Variants in KSR2 observed in about 807,000 individuals in gnomAD.
The protein encoded by KSR2 is kinase suppressor of ras 2.
Under a neutral mutation model 107.8 loss-of-function variants are expected in KSR2, and 25 were observed. The ratio of observed to expected loss-of-function variants is 0.23; its 90% confidence interval spans 0.17 to 0.32. The LOEUF (loss-of-function observed/expected upper bound fraction) is 0.32. KSR2 is among the 10% of genes least tolerant of loss of function. KSR2 has a pLI of 1.00. For missense variants in KSR2, 887 were observed against 1,268.9 expected (o/e 0.70, Z 4.57); for synonymous variants, 480 against 507.0 (o/e 0.95, Z 0.71).
intron 16 of KSR2, among the ~76,000 whole-genome samples, chr12:117,478,322 C>T (rs542119652): frequency 5.4e-4 from 82 of 152,156 alleles, no homozygotes; most frequent in African/African-American, 1.8e-3. Flanking sequence ...TTCCATTATG[C>T]CAGAAATATC....
intron 9 of KSR2, among the ~76,000 whole-genome samples, chr12:117,549,799 T>C (rs1280655379): frequency 6.6e-6 from 1 of 152,094 alleles, no homozygotes; most frequent in Non-Finnish European, 1.5e-5. Flanking sequence ...ATGAATGAAC[T>C]AAGCAATTGA....
chr12:117,501,469 C>A (rs1274515376), intron 14 of KSR2, among the ~76,000 whole-genome samples: 3 of 152,350 alleles, frequency 2.0e-5, no homozygotes, highest in Admixed American at 2.0e-4. Flanking sequence ...ATTTTCCATT[C>A]ATTCACTTGC....
intron 4 of KSR2, among the ~76,000 whole-genome samples, chr12:117,725,456 T>C (rs1343862788): frequency 6.6e-6 from 1 of 152,222 alleles, no homozygotes; most frequent in Non-Finnish European, 1.5e-5. Context: ...TTTCAACAAA[T>C]GGTGCTGGAA....
chr12:117,903,295 C>T (rs1467180382), intron 1 of KSR2, among the ~76,000 whole-genome samples: 1 of 152,112 alleles, frequency 6.6e-6, no homozygotes, highest in African/African-American at 2.4e-5. Context: ...GTGGGTTACA[C>T]AGCAAAGGAA....
At chr12:117,621,077 C>G (rs553408513) in intron 5 of KSR2, among the ~76,000 whole-genome samples, 3 of 152,116 alleles carry the variant, frequency 2.0e-5, no homozygotes, top group Non-Finnish European at 4.4e-5. Context: ...GTAATCCCCA[C>G]GTGTCAAGAG....
At chr12:117,731,905 C>T (rs141551662) in intron 4 of KSR2, among the ~76,000 whole-genome samples, 16,469 of 138,582 alleles carry the variant, frequency 0.12, 1,555 homozygotes, top group African/African-American at 0.18. Context: ...TGCGGAAGGC[C>T]GCAGGGTCCT....
At chr12:117,944,313 TTG>T (rs1482016183) in intron 1 of KSR2, among the ~76,000 whole-genome samples, 13 of 151,956 alleles carry the variant, frequency 8.6e-5, no homozygotes, top group Non-Finnish European at 1.0e-4. Flanking sequence ...GAGACGGAGG[TTG>T]CGGTGAGCCG....
At chr12:117,492,904 A>G (rs1320955935) in intron 14 of KSR2, among the ~76,000 whole-genome samples, 1 of 152,146 alleles carries the variant, frequency 6.6e-6, no homozygotes, top group African/African-American at 2.4e-5. Context: ...AAAAAGCTGG[A>G]AAAAGGCAAG....
chr12:117,660,419 G>T (rs1884384008), intron 5 of KSR2, among the ~76,000 whole-genome samples: 1 of 152,116 alleles, frequency 6.6e-6, no homozygotes, highest in Non-Finnish European at 1.5e-5. Context: ...GGCAATCCTT[G>T]GTGTTCCTTG....
intron 3 of KSR2, among the ~76,000 whole-genome samples, chr12:117,809,388 C>T (rs766165314): frequency 2.6e-5 from 4 of 151,996 alleles, no homozygotes; most frequent in Non-Finnish European, 4.4e-5. Flanking sequence ...ACTAGAAAGG[C>T]GAAGTAGCAC....
chr12:117,546,759 C>T (rs1876898330), intron 9 of KSR2, among the ~76,000 whole-genome samples: 1 of 152,172 alleles, frequency 6.6e-6, no homozygotes, highest in Non-Finnish European at 1.5e-5. Flanking sequence ...TTGAGTCCAT[C>T]CACTGAATTT....
At chr12:117,782,893 A>G (rs1889935053) in intron 3 of KSR2, among the ~76,000 whole-genome samples, 1 of 152,206 alleles carries the variant, frequency 6.6e-6, no homozygotes, top group Non-Finnish European at 1.5e-5. Context: ...CGCCCCACAT[A>G]GCAACATCCT....
At chr12:117,663,129 C>T (rs1419595948) in intron 5 of KSR2, among the ~76,000 whole-genome samples, 2 of 152,176 alleles carry the variant, frequency 1.3e-5, no homozygotes, top group Admixed American at 6.5e-5. Context: ...ACACTCCCTC[C>T]GTGATGCAAG....
At position 117,942,663 on chromosome 12, in the gene KSR2, T is replaced by G. The variant is rs145636968; in HGVS notation, c.180+25413A>C. On this transcript the variant is annotated intron_variant, in intron 1 of 19. Coordinates refer to ENST00000339824, the MANE Select transcript of KSR2 (RefSeq NM_173598.6). ...GCCATCACACCTGGCTAAATTTTTT[T>G]TGTGTTTTTTTTTTTTGGAGAAACA... Among the ~76,000 whole-genome samples, 26 of 144,730 alleles carry G rather than the reference T, an allele frequency of 1.8e-4. No individual in the cohort carries two copies. The East Asian group carries it at 4.9e-3, about 27-fold the overall frequency. 94.9% of individuals were successfully genotyped at this position (144,730 alleles called of 152,430 possible).
rs371004854 is a variant in KSR2, at chr12:117,458,285, T to C, written c.*8914A>G. Reference sequence around the variant, plus strand: ...TGTCGCCCACCACTCAGAAAAGGCCTCTGGTTATTGTTGGCCTGTATTTAT... The same window carrying C: ...TGTCGCCCACCACTCAGAAAAGGCCCCTGGTTATTGTTGGCCTGTATTTAT... On this transcript the variant is annotated 3_prime_UTR_variant, in exon 20 of 20. Coordinates refer to ENST00000339824, the MANE Select transcript of KSR2 (RefSeq NM_173598.6). The C allele has an allele frequency of 1.3e-5, 2 of 152,312 alleles. No homozygotes were observed. The highest frequency in any genetic ancestry group is 4.8e-5 in the African/African-American group (2 of 41,554). 9.4% of individuals were successfully genotyped at this position (152,312 alleles called of 1,614,324 possible).
intron 7 of KSR2, among the ~76,000 whole-genome samples, chr12:117,574,125 A>G (rs1165042712): frequency 6.6e-6 from 1 of 152,106 alleles, no homozygotes; most frequent in Non-Finnish European, 1.5e-5. Flanking sequence ...CTTGATAGAA[A>G]TAGACATTCT....
intron 3 of KSR2, among the ~76,000 whole-genome samples, chr12:117,803,546 C>CA (rs949020406): frequency 1.7e-4 from 26 of 151,848 alleles, no homozygotes; most frequent in African/African-American, 5.8e-4. Context: ...ACTAAAAATA[C>CA]AAAAAAATTA....
intron 3 of KSR2, among the ~76,000 whole-genome samples, chr12:117,797,360 A>G (rs1890669773): frequency 6.6e-6 from 1 of 152,230 alleles, no homozygotes; most frequent in Non-Finnish European, 1.5e-5. Flanking sequence ...ATATATTTTG[A>G]TAAGTGAAAG....
intron 9 of KSR2, among the ~76,000 whole-genome samples, chr12:117,550,323 C>G (rs548859221): frequency 1.3e-5 from 2 of 152,254 alleles, no homozygotes; most frequent in African/African-American, 4.8e-5. Flanking sequence ...CGTTCATCAC[C>G]CAGGTTTCCA....
Sources: allele counts gnomAD v4.1 joint callset (sites outside exome capture counted in the v4.1 genomes callset), GRCh38; gene constraint gnomAD v4.1.1; transcripts MANE v1.5; gene names NCBI Gene and HGNC (gene_info 2026-07-23, HGNC 2026-07-21).